CNTNAP4: variants seen among roughly 807,000 people sequenced by gnomAD.
The protein encoded by CNTNAP4 is contactin-associated protein-like 4.
In CNTNAP4, 98 loss-of-function variants were observed where a neutral mutation model predicts 148.4. The ratio of observed to expected loss-of-function variants is 0.66; its 90% confidence interval spans 0.56 to 0.78. CNTNAP4 has a LOEUF of 0.78. Among genes scored for constraint, CNTNAP4 ranks in the 30% least tolerant of loss-of-function variants. The pLI is 0.00. For synonymous variants in CNTNAP4, 730 were observed against 565.1 expected (o/e 1.29, Z -4.14); for missense variants, 1,935 against 1,565.6 (o/e 1.24, Z -3.98).
intron 3 of CNTNAP4, among the ~76,000 whole-genome samples, chr16:76,390,065 T>G (rs1191412194): frequency 6.6e-6 from 1 of 152,172 alleles, no homozygotes; most frequent in East Asian, 1.9e-4. Flanking sequence ...TACTTCGCCA[T>G]GTCTCAATGT....
chr16:76,425,547 TTAAAA>T (rs994297527), intron 3 of CNTNAP4, among the ~76,000 whole-genome samples: 5 of 152,006 alleles, frequency 3.3e-5, no homozygotes, highest in African/African-American at 1.2e-4. Context: ...GAAATCCCTC[TTAAAA>T]TAAAGAGAAA....
chr16:76,448,708 C>CTTTT, intron 5 of CNTNAP4, 59 bp from the exon 6 acceptor site: 4 of 1,021,616 alleles, frequency 3.9e-6, no homozygotes, highest in Non-Finnish European at 5.4e-6. Context: ...AGAAGGGAAC[C>CTTTT]TTTTTTTTTT....
chr16:76,377,679 A>T (rs2015557628), intron 3 of CNTNAP4, among the ~76,000 whole-genome samples: 1 of 152,204 alleles, frequency 6.6e-6, no homozygotes, highest in South Asian at 2.1e-4. Flanking sequence ...GTTTGCTATC[A>T]CCAGCTGACA....
chr16:76,537,272 A>T (rs927562719), intron 18 of CNTNAP4, among the ~76,000 whole-genome samples: 16 of 152,314 alleles, frequency 1.1e-4, no homozygotes, highest in African/African-American at 3.8e-4. Flanking sequence ...GAAACAATTA[A>T]AAACTCTAAG....
At chr16:76,487,057 C>T (rs1014557122) in intron 12 of CNTNAP4, among the ~76,000 whole-genome samples, 5 of 152,286 alleles carry the variant, frequency 3.3e-5, no homozygotes. Context: ...GGCAAGATAA[C>T]TCCTTAACTT....
chr16:76,445,781 A>G (rs1196049276), intron 4 of CNTNAP4, among the ~76,000 whole-genome samples: 1 of 152,188 alleles, frequency 6.6e-6, no homozygotes, highest in Non-Finnish European at 1.5e-5. Flanking sequence ...AATAGTCTTT[A>G]CCTAAAATGA....
chr16:76,480,413 A>T (rs886628424), intron 12 of CNTNAP4, among the ~76,000 whole-genome samples: 2 of 152,214 alleles, frequency 1.3e-5, no homozygotes, highest in African/African-American at 4.8e-5. Context: ...CTACACCGAT[A>T]ATTAGAAAAC....
intron 1 of CNTNAP4, among the ~76,000 whole-genome samples, chr16:76,279,924 T>C (rs1232184260): frequency 6.6e-6 from 1 of 152,186 alleles, no homozygotes; most frequent in Admixed American, 6.5e-5. Context: ...TTCATATGTT[T>C]CATCCTTTTT....
chr16:76,520,647 A>C (rs2083418741), intron 15 of CNTNAP4, among the ~76,000 whole-genome samples: 1 of 152,172 alleles, frequency 6.6e-6, no homozygotes, highest in Non-Finnish European at 1.5e-5. Flanking sequence ...CAGTTTAGAA[A>C]ATCACAAGGC....
At chr16:76,295,605 A>G (rs1597106703) in intron 1 of CNTNAP4, among the ~76,000 whole-genome samples, 1 of 152,172 alleles carries the variant, frequency 6.6e-6, no homozygotes, top group Non-Finnish European at 1.5e-5. Flanking sequence ...TGACAATGCT[A>G]ATAAAGAACA....
intron 3 of CNTNAP4, among the ~76,000 whole-genome samples, chr16:76,391,977 C>T (rs542571732): frequency 9.9e-4 from 148 of 149,082 alleles, no homozygotes; most frequent in African/African-American, 3.6e-3. Flanking sequence ...ATATAATTAG[C>T]ATTAGATAAG....
At chr16:76,457,465 G>C (rs2080778677) in intron 8 of CNTNAP4, among the ~76,000 whole-genome samples, 5 of 152,178 alleles carry the variant, frequency 3.3e-5, no homozygotes, top group Admixed American at 3.3e-4. Flanking sequence ...TTAGATGAAT[G>C]TGTTTAAATG....
At chr16:76,437,976 G>C (rs992982465) in intron 4 of CNTNAP4, among the ~76,000 whole-genome samples, 2 of 152,140 alleles carry the variant, frequency 1.3e-5, no homozygotes, top group African/African-American at 4.8e-5. Flanking sequence ...GCCTGCTTCA[G>C]AGTTCTGAAG....
intron 11 of CNTNAP4, 25 bp downstream of exon 11, chr16:76,476,070 C>A: frequency 6.6e-7 from 1 of 1,504,956 alleles, no homozygotes; most frequent in Middle Eastern, 1.7e-4. Context: ...TCTGCTTTTT[C>A]TTGCCCCTGT....
intron 3 of CNTNAP4, among the ~76,000 whole-genome samples, chr16:76,421,332 AT>A (rs1276021741): frequency 6.6e-6 from 1 of 152,068 alleles, no homozygotes; most frequent in Non-Finnish European, 1.5e-5. Context: ...ATTGAGATGT[AT>A]TATACGTGCA....
intron 2 of CNTNAP4, among the ~76,000 whole-genome samples, chr16:76,348,961 A>T (rs1310962817): frequency 2.6e-5 from 4 of 152,152 alleles, no homozygotes; most frequent in Non-Finnish European, 4.4e-5. Context: ...TTATCCATTA[A>T]AGAGAATATA....
At chr16:76,323,505 C>A (rs758119070) in intron 2 of CNTNAP4, among the ~76,000 whole-genome samples, 10 of 152,104 alleles carry the variant, frequency 6.6e-5, no homozygotes, top group Non-Finnish European at 1.5e-4. Flanking sequence ...ACATTTATTT[C>A]TAAATATGCT....
intron 15 of CNTNAP4, among the ~76,000 whole-genome samples, chr16:76,516,152 C>G (rs1050257879): frequency 3.1e-5 from 4 of 127,632 alleles, no homozygotes; most frequent in Non-Finnish European, 6.2e-5. Flanking sequence ...TCCATGTATT[C>G]TCATTATTTA....
Position 76,291,617 on chromosome 16 carries a change from A to G in CNTNAP4, c.85+13870A>G, listed in dbSNP as rs146476377. 1.5e-3 allele frequency among the ~76,000 whole-genome samples: 232 copies of G among 152,278 alleles called. 2 individuals carry two copies. The highest frequency in any genetic ancestry group is 5.4e-3 in the African/African-American group (226 of 41,562). Reference sequence around the variant, plus strand: ...AAAAGTTGATTGTACAGTTTGTTTTATCTGGCACTTTCCCACTTCGTAATC... The same window carrying G: ...AAAAGTTGATTGTACAGTTTGTTTTGTCTGGCACTTTCCCACTTCGTAATC... On this transcript the variant is annotated intron_variant, in intron 1 of 23. Transcript: ENST00000611870.
Sources: allele counts gnomAD v4.1 joint callset (sites outside exome capture counted in the v4.1 genomes callset), GRCh38; gene constraint gnomAD v4.1.1; transcripts MANE v1.5; gene names NCBI Gene and HGNC (gene_info 2026-07-23, HGNC 2026-07-21).